RAG1: variants seen among roughly 807,000 people sequenced by gnomAD.
The protein encoded by RAG1 is recombination activating 1.
Under a neutral mutation model 62.7 loss-of-function variants are expected in RAG1, and 35 were observed. That is an observed-to-expected ratio of 0.56 (90% CI 0.43 to 0.74). RAG1 has a LOEUF of 0.74. Ranked by LOEUF, RAG1 falls within the 30% of genes least tolerant of loss-of-function variation. RAG1 has a pLI of 0.00. For synonymous variants in RAG1, 461 were observed against 470.3 expected (o/e 0.98, Z 0.26); for missense variants, 1,169 against 1,278.6 (o/e 0.91, Z 1.31).
rs1178216516 is a variant in RAG1, at chr11:36,574,663, G to C, written c.1359G>C (p.Glu453Asp). ...GGAATGAGCACAGGCAAGCTGATGA[G>C]CTGGAGGCCATCATGCAGGGAAAGG... is the stretch of plus-strand genomic sequence containing the variant. Reference protein sequence around the residue: ...RARNEHRQADELEAIMQGKGS... With the variant: ...RARNEHRQADDLEAIMQGKGS... Residue 453 changes from glutamate to aspartate, a missense_variant, in exon 2 of 2, where the codon GAG becomes GAC. Glu to Asp is a conservative substitution (Grantham distance 45). This residue lies in a region of RAG1 where 800 missense variants were observed against 943.3 expected (regional missense o/e 0.85). Transcript: ENST00000299440. 6.2e-7 allele frequency: 1 copy of C among 1,614,212 alleles called. No individual in the cohort carries two copies. Among genetic ancestry groups the C allele is most frequent in the African/African-American group, 1.3e-5 (1 of 75,050 alleles).
chr11:36,516,547 C>T (rs974299684), intron 1 of RAG1, among the ~76,000 whole-genome samples: 7 of 152,372 alleles, frequency 4.6e-5, no homozygotes, highest in Non-Finnish European at 7.3e-5. Context: ...TGGTCTCGAT[C>T]TCCTGACCTC....
At chr11:36,538,232 A>T (rs1231115552), downstream of RAG1, among the ~76,000 whole-genome samples, 1 of 152,198 alleles carries the variant, frequency 6.6e-6, no homozygotes, top group Non-Finnish European at 1.5e-5. Flanking sequence ...TTGAAAGAGG[A>T]GAATTCTATG....
chr11:36,579,051 T>G lies in RAG1; in HGVS notation c.*2615T>G, dbSNP rs1850895463. Reference sequence around the variant, plus strand: ...GTGAGGTCAAAAGGAGCCTTGGGATTAATAAACATGCACTGAGAAGCAAGA... The same window carrying G: ...GTGAGGTCAAAAGGAGCCTTGGGATGAATAAACATGCACTGAGAAGCAAGA... On this transcript the variant is annotated 3_prime_UTR_variant, in exon 2 of 2. Coordinates refer to ENST00000299440, the MANE Select transcript of RAG1 (RefSeq NM_000448.3). 1 of 167,098 alleles carries G rather than the reference T, an allele frequency of 6.0e-6. No individual in the cohort carries two copies. The highest frequency in any genetic ancestry group is 6.5e-5 in the Admixed American group (1 of 15,276). 10.4% of individuals were successfully genotyped at this position (167,098 alleles called of 1,614,324 possible).
At chr11:36,519,059 A>G (rs1860038196) in intron 1 of RAG1, among the ~76,000 whole-genome samples, 1 of 152,214 alleles carries the variant, frequency 6.6e-6, no homozygotes, top group Non-Finnish European at 1.5e-5. Flanking sequence ...TGTCCTTTGA[A>G]GATTTGATAT....
chr11:36,542,739 G>T (rs1468394528), intron 3 of RAG1, among the ~76,000 whole-genome samples: 1 of 152,168 alleles, frequency 6.6e-6, no homozygotes, highest in Non-Finnish European at 1.5e-5. Context: ...GCCACATGCA[G>T]GCAATAAAGC....
intron 3 of RAG1, among the ~76,000 whole-genome samples, chr11:36,557,176 A>T (rs1337283986): frequency 5.4e-5 from 1 of 18,540 alleles, no homozygotes; most frequent in East Asian, 7.7e-4. Context: ...TTACCTAAGC[A>T]AGCCTGGGCA....
intron 1 of RAG1, among the ~76,000 whole-genome samples, chr11:36,518,432 G>A (rs911230352): frequency 6.6e-6 from 1 of 152,148 alleles, no homozygotes; most frequent in Non-Finnish European, 1.5e-5. Flanking sequence ...TTCCACTATA[G>A]TTGAACTAGT....
At chr11:36,558,815 T>C (rs987547801) in intron 3 of RAG1, among the ~76,000 whole-genome samples, 4 of 152,224 alleles carry the variant, frequency 2.6e-5, no homozygotes, top group African/African-American at 4.8e-5. Context: ...TTTATTGTTT[T>C]CTGGTTGTTT....
intron 3 of RAG1, among the ~76,000 whole-genome samples, chr11:36,543,551 T>G (rs1466030749): frequency 1.3e-5 from 2 of 152,200 alleles, no homozygotes; most frequent in Admixed American, 6.5e-5. Flanking sequence ...CTTGACTGAG[T>G]TAGAAGTGCA....
intron 2 of RAG1, among the ~76,000 whole-genome samples, chr11:36,532,249 T>C (rs1405946614): frequency 2.0e-5 from 3 of 152,062 alleles, no homozygotes; most frequent in Non-Finnish European, 4.4e-5. Flanking sequence ...AGATACTATG[T>C]GTTAATATTT....
rs566148746 is a variant in RAG1 at position 36,511,390 on chromosome 11, G to A, written n.330+352G>A. ...GATGGCTTGAGCCCTGGCAGTCAAG[G>A]CTACAGTAAGCCATGATTGCACCAC... On this transcript the variant is annotated intron_variant and non_coding_transcript_variant, in intron 1 of 2. Coordinates refer to the RAG1 transcript ENST00000529126. Among the ~76,000 whole-genome samples the A allele has an allele frequency of 2.0e-5, 3 of 152,278 alleles. No homozygotes were observed. In the East Asian group the frequency reaches 5.8e-4, roughly 29 times the overall value.
chr11:36,519,663 AAT>A (rs1860047947), intron 1 of RAG1, among the ~76,000 whole-genome samples: 1 of 152,180 alleles, frequency 6.6e-6, no homozygotes, highest in African/African-American at 2.4e-5. Context: ...AAAGGCTGTG[AAT>A]ATTTATGACT....
intron 2 of RAG1, among the ~76,000 whole-genome samples, chr11:36,525,988 C>T (rs183414580): frequency 2.6e-5 from 4 of 152,200 alleles, no homozygotes; most frequent in African/African-American, 9.6e-5. Flanking sequence ...TTAGAATGGT[C>T]GATTACATTA....
chr11:36,533,580 G>T (rs1163522552), intron 2 of RAG1, among the ~76,000 whole-genome samples: 2 of 149,992 alleles, frequency 1.3e-5, no homozygotes, highest in African/African-American at 4.9e-5. Context: ...TGATAATTTT[G>T]TCTCTTCCTT....
At chr11:36,542,831 C>G (rs190949972) in intron 3 of RAG1, among the ~76,000 whole-genome samples, 8 of 152,106 alleles carry the variant, frequency 5.3e-5, no homozygotes, top group Admixed American at 4.6e-4. Context: ...AATTATTGCT[C>G]TATATGTTAT....
rs573328600 is a variant in RAG1 at position 36,535,346 on chromosome 11, A to G, written n.429-613A>G. 1.9e-3 allele frequency among the ~76,000 whole-genome samples: 283 copies of G among 152,316 alleles called. 1 individual carries two copies. Among genetic ancestry groups the G allele is most frequent in the Middle Eastern group, 0.01 (3 of 294 alleles). ...AAATATATCTATTTCAAGTTCAACA[A>G]TTCCATGGATTCCTGAAAGAAGTTG... On this transcript the variant is annotated intron_variant and non_coding_transcript_variant, in intron 2 of 2. Transcript: ENST00000529126.
chr11:36,535,445 A>G (rs1232655556), intron 2 of RAG1, among the ~76,000 whole-genome samples: 1 of 152,186 alleles, frequency 6.6e-6, no homozygotes, highest in Non-Finnish European at 1.5e-5. Flanking sequence ...ATTATAATAT[A>G]TGCATTGTTT....
rs941423506 is a variant in RAG1, at chr11:36,576,492, T to C, written c.*56T>C. The C allele has an allele frequency of 1.1e-5, 18 of 1,596,778 alleles. No homozygotes were observed. The highest frequency in any genetic ancestry group is 2.2e-5 in the South Asian group (2 of 90,530). The stretch of plus-strand genomic sequence containing the variant: ...CAATTGAGTTTCCCTCTGGGTTGCA[T>C]TGAGGGCTTCTCCTAGCACCCTTTA... On this transcript the variant is annotated 3_prime_UTR_variant, in exon 2 of 2. Coordinates refer to ENST00000299440, the MANE Select transcript of RAG1 (RefSeq NM_000448.3).
chr11:36,548,341 G>T (rs1021060849), intron 3 of RAG1, among the ~76,000 whole-genome samples: 2 of 152,162 alleles, frequency 1.3e-5, no homozygotes, highest in African/African-American at 2.4e-5. Flanking sequence ...AATTGTCTCT[G>T]TTTGCAGATG....
Sources: gnomAD v4.1 joint callset for allele counts (sites outside exome capture counted in the v4.1 genomes callset) on GRCh38, gnomAD v4.1.1 for gene constraint, gnomAD v4.1.1 regional missense constraint, MANE v1.5 for transcripts, NCBI Gene and HGNC (gene_info 2026-07-23, HGNC 2026-07-21) for gene names.